CYP20A1: variants seen among roughly 807,000 people sequenced by gnomAD.
The protein encoded by CYP20A1 is cytochrome P450 20A1.
In CYP20A1, 61 loss-of-function variants were observed where a neutral mutation model predicts 61.4. The observed-to-expected ratio is 0.99, with a 90% confidence interval of 0.81 to 1.23. The LOEUF (loss-of-function observed/expected upper bound fraction) is 1.23. CYP20A1 is among the 50% of genes most tolerant of loss of function. The pLI is 0.00. For synonymous variants in CYP20A1, 193 were observed against 188.2 expected, an observed-to-expected ratio of 1.03 and a Z score of -0.21; for missense variants, 530 against 542.4, an observed-to-expected ratio of 0.98 and a Z score of 0.23.
At chr2:203,292,572 C>T (rs1282746837) in intron 11 of CYP20A1, among the ~76,000 whole-genome samples, 1 of 152,158 alleles carries the variant, frequency 6.6e-6, no homozygotes, top group Non-Finnish European at 1.5e-5. Context: ...CATCCTTCTG[C>T]GTCAGCCACC....
chr2:203,271,084 T>TTTTTTTTA (rs2067576311), intron 5 of CYP20A1, among the ~76,000 whole-genome samples: 1 of 54,816 alleles, frequency 1.8e-5, no homozygotes, highest in Non-Finnish European at 3.4e-5. Context: ...ATATATATAT[T>TTTTTTTTA]TTTTTTTTTT....
chr2:203,239,171 C>T, intron 1 of CYP20A1, 37 bp downstream of exon 1: 7 of 1,562,520 alleles, frequency 4.5e-6, no homozygotes, highest in Non-Finnish European at 5.3e-6. Context: ...CCCCGGGCGC[C>T]GCCCCAGTCT....
At chr2:203,245,709 A>T in intron 1 of CYP20A1, 137 bp from the exon 2 acceptor site, 1 of 515,294 alleles carries the variant, frequency 1.9e-6, no homozygotes. Flanking sequence ...CTTTTTTTGT[A>T]TTTTAATATG....
chr2:203,251,793 GTATATATA>G (rs34020768), intron 3 of CYP20A1, among the ~76,000 whole-genome samples, 166 bp from the exon 4 acceptor site: 1 of 64,176 alleles, frequency 1.6e-5, no homozygotes, highest in African/African-American at 4.1e-5. Flanking sequence ...ATATATATGT[GTATATATA>G]TATATATATA....
rs2068983429 is a variant in CYP20A1 at position 203,300,689 on chromosome 2, A to G, written c.*3781A>G. 6.6e-6 allele frequency among the ~76,000 whole-genome samples: 1 copy of G among 151,732 alleles called. No homozygotes were observed. The highest frequency in any genetic ancestry group is 1.5e-5 in the Non-Finnish European group (1 of 67,972). ...TAAATCACCTGAGGTTGGGAGTTTG[A>G]GACCAGCCTGACCAACATGGAGAAA... On this transcript the variant is annotated 3_prime_UTR_variant, in exon 13 of 13. Transcript: ENST00000356079.
rs752764131 is a variant in CYP20A1 at position 203,266,520 on chromosome 2, G to A, written c.439G>A (p.Glu147Lys). The change falls in exon 5 of 13, where the codon GAA becomes AAA. Residue 147 changes from glutamate to lysine, a missense_variant. By Grantham distance (56) the Glu-to-Lys change is moderately conservative. Transcript: ENST00000356079. ...CTTTTCTGTTCTCTTTCAGCTTTCAGAAGAATTATTAGATAAATGGCTCTC... is the reference window on the plus strand; with the variant it reads ...CTTTTCTGTTCTCTTTCAGCTTTCAAAAGAATTATTAGATAAATGGCTCTC... ...SNFALLLKLS[E>K]ELLDKWLSYP... The A allele has an allele frequency of 5.6e-6, 9 of 1,613,598 alleles. No individual in the cohort carries two copies. The highest frequency in any genetic ancestry group is 6.8e-6 in the Non-Finnish European group (8 of 1,179,674).
intron 4 of CYP20A1, among the ~76,000 whole-genome samples, chr2:203,263,012 G>T (rs1204076968): frequency 1.4e-5 from 2 of 145,448 alleles, no homozygotes; most frequent in African/African-American, 2.6e-5. Context: ...GTTTTTTTTT[G>T]AGACGAAGTC....
intron 1 of CYP20A1, 147 bp downstream of exon 1, chr2:203,239,281 C>T (rs907046971): frequency 2.8e-5 from 19 of 690,856 alleles, no homozygotes; most frequent in Non-Finnish European, 2.5e-6. Flanking sequence ...GCGCGGGGAC[C>T]GCACCCGGAG....
chr2:203,295,045 C>T (rs559832818), intron 11 of CYP20A1, among the ~76,000 whole-genome samples: 1 of 142,392 alleles, frequency 7.0e-6, no homozygotes, highest in Non-Finnish European at 1.5e-5. Flanking sequence ...CTCCGCCTCC[C>T]GGGTTCATGC....
In CYP20A1 at chr2:203,286,828, A is replaced by AT. The variant is rs1354029675; in HGVS notation, c.971+1105dup. Among the ~76,000 whole-genome samples the AT allele has an allele frequency of 5.3e-5, 8 of 151,664 alleles. No homozygotes were observed. The East Asian group carries it at 5.8e-4, about 11-fold the overall frequency. On this transcript the variant is annotated intron_variant, in intron 9 of 12. Transcript: ENST00000356079. ...TTGCATATAACTATACCTTAATTTA[A>AT]TTTTTTTTTAATTGCAACTGTGATT... is the stretch of plus-strand genomic sequence containing the variant.
rs538405546 is a variant in CYP20A1 at position 203,258,431 on chromosome 2, A to G, written c.432+6322A>G. On this transcript the variant is annotated intron_variant, in intron 4 of 12. Transcript: ENST00000356079. ...AAACGGTTAGTAAATGTTGAATGCC[A>G]TTTTTCCCATATGGAAGTTCTAGCT... is the stretch of plus-strand genomic sequence containing the variant. 9.7e-4 allele frequency among the ~76,000 whole-genome samples: 144 copies of G among 149,200 alleles called. 1 individual carries two copies. Among genetic ancestry groups the G allele is most frequent in the Admixed American group, 1.9e-3 (28 of 14,926 alleles).
At chr2:203,239,328 C>A (rs927468925) in intron 1 of CYP20A1, among the ~76,000 whole-genome samples, 194 bp downstream of exon 1, 1 of 152,126 alleles carries the variant, frequency 6.6e-6, no homozygotes, top group Non-Finnish European at 1.5e-5. Context: ...CTGAGAGCGA[C>A]GTGGGCTGCG....
chr2:203,265,738 T>A (rs542250723), intron 4 of CYP20A1, among the ~76,000 whole-genome samples: 96 of 152,344 alleles, frequency 6.3e-4, no homozygotes, highest in African/African-American at 2.2e-3. Flanking sequence ...TCACCCAGGC[T>A]GGAGTGCGGT....
chr2:203,256,648 C>T (rs1418362994), intron 4 of CYP20A1, among the ~76,000 whole-genome samples: 4 of 152,066 alleles, frequency 2.6e-5, no homozygotes, highest in Non-Finnish European at 2.9e-5. Flanking sequence ...CGTGAGCCAC[C>T]GCACCCACCA....
Position 203,278,644 on chromosome 2 carries a change from A to G in CYP20A1, c.751A>G (p.Ile251Val). 1 of 1,605,124 alleles carries G rather than the reference A, an allele frequency of 6.2e-7. No homozygotes were observed. Among genetic ancestry groups the G allele is most frequent in the Non-Finnish European group, 8.5e-7 (1 of 1,174,730 alleles). ...ERKGRNFSQH[I>V]FIDSLVQGNL... is the part of the protein sequence containing the mutation. ...AAAAGGAAGGAACTTCAGTCAACAT[A>G]TTTTCATTGACTCCTTAGTACAAGG... Residue 251 changes from isoleucine (I) to valine (V), a missense_variant, in exon 7 of 13, where the codon ATT (isoleucine) becomes GTT (valine). Transcript: ENST00000356079.
Position 203,302,980 on chromosome 2 carries a change from C to T in CYP20A1, c.*6072C>T, listed in dbSNP as rs961781291. Among the ~76,000 whole-genome samples the T allele has an allele frequency of 4.6e-5, 7 of 151,444 alleles. No homozygotes were observed. Among genetic ancestry groups the T allele is most frequent in the South Asian group, 2.1e-4 (1 of 4,768 alleles). On this transcript the variant is annotated 3_prime_UTR_variant, in exon 13 of 13. Coordinates refer to ENST00000356079, the MANE Select transcript of CYP20A1 (RefSeq NM_177538.3). ...TGCTGGGATTACAAGCATGAGCCACCGCGCTCGGTCCCTTTCTTTTTATTT... is the reference window on the plus strand; with the variant it reads ...TGCTGGGATTACAAGCATGAGCCACTGCGCTCGGTCCCTTTCTTTTTATTT...
At chr2:203,253,840 G>A (rs2066792628) in intron 4 of CYP20A1, among the ~76,000 whole-genome samples, 3 of 151,836 alleles carry the variant, frequency 2.0e-5, no homozygotes, top group South Asian at 2.1e-4. Context: ...GGATGGGGGT[G>A]GTGGTGTTTG....
Position 203,257,226 on chromosome 2 carries a change from G to A in CYP20A1, c.432+5117G>A, listed in dbSNP as rs556011150. ...CCAGCTAATCGAGAGTCTATGAGGCGGGAGGATCGCTTGAGCCTGGGAGGC... is the reference window on the plus strand; with the variant it reads ...CCAGCTAATCGAGAGTCTATGAGGCAGGAGGATCGCTTGAGCCTGGGAGGC... On this transcript the variant is annotated intron_variant, in intron 4 of 12. Coordinates refer to ENST00000356079, the MANE Select transcript of CYP20A1 (RefSeq NM_177538.3). Among the ~76,000 whole-genome samples the A allele has an allele frequency of 5.9e-5, 9 of 151,598 alleles. No homozygotes were observed. The South Asian group carries it at 1.5e-3, about 25-fold the overall frequency.
intron 9 of CYP20A1, among the ~76,000 whole-genome samples, chr2:203,286,264 A>G (rs2068264805): frequency 6.6e-6 from 1 of 152,218 alleles, no homozygotes; most frequent in Non-Finnish European, 1.5e-5. Flanking sequence ...CCTGGGTTAC[A>G]GAGCAAGACC....
Sources: gnomAD v4.1 joint callset for allele counts (sites outside exome capture counted in the v4.1 genomes callset) on GRCh38, gnomAD v4.1.1 for gene constraint, MANE v1.5 for transcripts, NCBI Gene and HGNC (gene_info 2026-07-23, HGNC 2026-07-21) for gene names.